The following COL25A1 variants were observed in gnomAD, a reference collection of about 807,000 sequenced individuals.
COL25A1 encodes collagen alpha-1(XXV) chain.
Under a neutral mutation model 128.4 loss-of-function variants are expected in COL25A1, and 103 were observed. The ratio of observed to expected loss-of-function variants is 0.80; its 90% CI spans 0.68 to 0.94. COL25A1 has a LOEUF of 0.94. COL25A1 is among the 40% of genes least tolerant of loss of function. The pLI is 0.00. For synonymous variants in COL25A1, 279 were observed against 277.2 expected (o/e 1.01, Z -0.06); for missense variants, 745 against 840.0 (o/e 0.89, Z 1.40).
intron 3 of COL25A1, among the ~76,000 whole-genome samples, chr4:109,159,528 A>G (rs1043916689): frequency 6.6e-6 from 1 of 152,150 alleles, no homozygotes; most frequent in Non-Finnish European, 1.5e-5. Flanking sequence ...CCTCCCCAGC[A>G]CTGGCTCCCT....
At chr4:108,983,609 T>C (rs1344919166) in intron 6 of COL25A1, among the ~76,000 whole-genome samples, 1 of 152,200 alleles carries the variant, frequency 6.6e-6, no homozygotes, top group Non-Finnish European at 1.5e-5. Flanking sequence ...GCAGTGAGTG[T>C]TACAGCTCTT....
chr4:108,895,716 T>C (rs1742039216), intron 16 of COL25A1, among the ~76,000 whole-genome samples: 1 of 152,116 alleles, frequency 6.6e-6, no homozygotes, highest in Non-Finnish European at 1.5e-5. Context: ...ATCAAACTTT[T>C]CTTTTTAAAA....
intron 6 of COL25A1, among the ~76,000 whole-genome samples, chr4:108,984,822 G>T (rs548029896): frequency 2.1e-4 from 32 of 152,368 alleles, no homozygotes; most frequent in African/African-American, 7.2e-4. Flanking sequence ...CGGGCTGAAG[G>T]GCTCCTCAAG....
intron 5 of COL25A1, among the ~76,000 whole-genome samples, chr4:109,012,315 G>A (rs1268220310): frequency 6.6e-6 from 1 of 152,248 alleles, no homozygotes; most frequent in Admixed American, 6.5e-5. Flanking sequence ...AGGTGACAAC[G>A]TGCTAGCAGC....
At chr4:108,826,987 A>G (rs1732469197) in intron 33 of COL25A1, 148 bp downstream of exon 33, 1 of 702,800 alleles carries the variant, frequency 1.4e-6, no homozygotes, top group Admixed American at 2.3e-5. Flanking sequence ...TTTGTGAAGG[A>G]CATGGAAGTA....
intron 19 of COL25A1, among the ~76,000 whole-genome samples, chr4:108,871,208 G>A (rs1028921887): frequency 3.9e-5 from 6 of 152,120 alleles, no homozygotes; most frequent in African/African-American, 1.4e-4. Context: ...TGAAAGCATC[G>A]ATAGTTCTTT....
chr4:109,098,312 A>G (rs533781514), intron 3 of COL25A1, among the ~76,000 whole-genome samples: 3 of 152,160 alleles, frequency 2.0e-5, no homozygotes, highest in Non-Finnish European at 2.9e-5. Flanking sequence ...CATGTAAGTG[A>G]TGGTTACTTA....
At chr4:109,237,783 C>T (rs151141620) in intron 3 of COL25A1, among the ~76,000 whole-genome samples, 87 of 152,098 alleles carry the variant, frequency 5.7e-4, no homozygotes, top group African/African-American at 2.1e-3. Flanking sequence ...ACATTTTTTA[C>T]CTGCAAAACT....
At chr4:108,859,413 A>G (rs539346426) in intron 24 of COL25A1, among the ~76,000 whole-genome samples, 1 of 152,326 alleles carries the variant, frequency 6.6e-6, no homozygotes, top group South Asian at 2.1e-4. Flanking sequence ...TATCCCTCAT[A>G]AGGCTTAACT....
chr4:108,857,747 G>T (rs886413441), intron 24 of COL25A1, among the ~76,000 whole-genome samples: 2 of 152,060 alleles, frequency 1.3e-5, no homozygotes, highest in Non-Finnish European at 2.9e-5. Context: ...CGGCTTACAA[G>T]CAAAGAAATG....
In COL25A1 at chr4:108,920,558, T is replaced by C. The variant is rs771416200; in HGVS notation, c.735+20A>G. 6.3e-7 allele frequency: 1 copy of C among 1,591,080 alleles called. No homozygotes were observed. The highest frequency in any genetic ancestry group is 8.6e-7 in the Non-Finnish European group (1 of 1,164,300). On this transcript the variant is annotated intron_variant, in intron 12 of 37. Coordinates refer to ENST00000399132, the MANE Select transcript of COL25A1 (RefSeq NM_198721.4). ...CATGAGAGCATAATTACTTTCACAA[T>C]ATTGTTGTTTATACTCTACCTTTTG... is the stretch of plus-strand genomic sequence containing the variant.
intron 16 of COL25A1, among the ~76,000 whole-genome samples, chr4:108,894,158 C>T (rs1741863868): frequency 6.6e-6 from 1 of 152,020 alleles, no homozygotes; most frequent in Non-Finnish European, 1.5e-5. Flanking sequence ...GAACAGTATT[C>T]CTTTGAGATG....
At chr4:109,279,074 A>G (rs1723111875) in intron 3 of COL25A1, among the ~76,000 whole-genome samples, 1 of 149,600 alleles carries the variant, frequency 6.7e-6, no homozygotes, top group Admixed American at 6.8e-5. Flanking sequence ...TCTTAATTCT[A>G]TCACACTGGA....
At chr4:109,220,481 G>A (rs1778334129) in intron 3 of COL25A1, among the ~76,000 whole-genome samples, 1 of 152,188 alleles carries the variant, frequency 6.6e-6, no homozygotes, top group Non-Finnish European at 1.5e-5. Context: ...CCCATGGAAT[G>A]CAGGGAATTT....
rs1310109505 is a variant in COL25A1 at position 109,126,118 on chromosome 4, T to C, written c.368-75939A>G. ...ATGTAAGAAAATTTTATTATTTTGC[T>C]ACTTGAAATGGAAAGAGGTTTTTTT... On this transcript the variant is annotated intron_variant, in intron 3 of 37. Transcript: ENST00000399132. Among the ~76,000 whole-genome samples the C allele has an allele frequency of 2.6e-5, 4 of 152,318 alleles. No individual in the cohort carries two copies. The East Asian group carries it at 7.7e-4, about 29-fold the overall frequency.
intron 3 of COL25A1, among the ~76,000 whole-genome samples, chr4:109,090,634 T>A (rs976413419): frequency 6.6e-6 from 1 of 152,178 alleles, no homozygotes; most frequent in African/African-American, 2.4e-5. Flanking sequence ...TGCTATTTTT[T>A]AAAAAAGCAA....
At chr4:108,973,944 C>G (rs1279356343) in intron 8 of COL25A1, among the ~76,000 whole-genome samples, 1 of 152,138 alleles carries the variant, frequency 6.6e-6, no homozygotes, top group African/African-American at 2.4e-5. Context: ...GTAAAATGCA[C>G]TGATAATTTT....
chr4:108,924,245 A>T (rs1481319948), intron 11 of COL25A1, among the ~76,000 whole-genome samples: 1 of 152,206 alleles, frequency 6.6e-6, no homozygotes, highest in Non-Finnish European at 1.5e-5. Flanking sequence ...TCTGCATATA[A>T]ACCTTTATAC....
At chr4:109,095,892 A>G (rs533660629) in intron 3 of COL25A1, among the ~76,000 whole-genome samples, 5 of 152,162 alleles carry the variant, frequency 3.3e-5, no homozygotes, top group East Asian at 1.9e-4. Flanking sequence ...AATTAATCAC[A>G]TAAGAGTAGC....
Sources: allele counts gnomAD v4.1 joint callset (sites outside exome capture counted in the v4.1 genomes callset), GRCh38; gene constraint gnomAD v4.1.1; transcripts MANE v1.5; gene names NCBI Gene and HGNC (gene_info 2026-07-23, HGNC 2026-07-21).